NR2F6: variants seen among roughly 807,000 people sequenced by gnomAD.
The protein encoded by NR2F6 is ERBA-related gene-2.
In NR2F6, 16 loss-of-function variants were observed where a neutral mutation model predicts 26.5. That is an observed-to-expected ratio of 0.60 (90% confidence interval 0.41 to 0.92). The LOEUF (loss-of-function observed/expected upper bound fraction) is 0.92, where lower values mean the gene tolerates loss of function less well. Ranked by LOEUF, NR2F6 falls within the 40% of genes least tolerant of loss-of-function variation. The pLI is 0.00. For synonymous variants in NR2F6, 325 were observed against 305.0 expected (o/e 1.07, Z -0.68); for missense variants, 536 against 631.7 (o/e 0.85, Z 1.62).
In NR2F6 at chr19:17,235,431, C is replaced by T; in HGVS notation, c.940+68G>A. On this transcript the variant is annotated intron_variant, in intron 3 of 3. Coordinates refer to ENST00000291442, the MANE Select transcript of NR2F6 (RefSeq NM_005234.4). This position sits in a 1 kb window ranked among gnomAD's most constrained non-coding sequence, Gnocchi z 5.0. ...CGCTATGGGGGCCGGAGTCTGGGTC[C>T]AGGCCGCCCTCCTCCTAACCTCCCT... is the stretch of plus-strand genomic sequence containing the variant. 1 of 1,522,950 alleles carries T rather than the reference C, an allele frequency of 6.6e-7. No individual in the cohort carries two copies. Among genetic ancestry groups the T allele is most frequent in the Non-Finnish European group, 8.8e-7 (1 of 1,141,252 alleles). 94.3% of individuals were successfully genotyped at this position (1,522,950 alleles called of 1,614,324 possible).
intron 2 of NR2F6, among the ~76,000 whole-genome samples, chr19:17,238,323 T>C (rs912717928): frequency 6.6e-6 from 1 of 152,024 alleles, no homozygotes; most frequent in Non-Finnish European, 1.5e-5. Flanking sequence ...GAATGGACAT[T>C]CTGGGTGTAA....
intron 1 of NR2F6, among the ~76,000 whole-genome samples, chr19:17,243,289 G>A (rs1210999314): frequency 6.6e-6 from 1 of 152,166 alleles, no homozygotes; most frequent in Non-Finnish European, 1.5e-5. Flanking sequence ...CCAGACTGGG[G>A]GCTTCTCAGG....
Position 17,232,155 on chromosome 19 carries a change from TG to T in NR2F6, c.*196del. 1.3e-6 allele frequency: 1 copy of T among 778,620 alleles called. No individual in the cohort carries two copies. Among genetic ancestry groups the T allele is most frequent in the Non-Finnish European group, 2.0e-6 (1 of 504,662 alleles). The allele number at this position is 778,620 out of a possible 1,614,324, so 48.2% of individuals were successfully genotyped here. On this transcript the variant is annotated 3_prime_UTR_variant, in exon 4 of 4. Transcript: ENST00000291442. ...TCCTGGGGAGGATGAGGCTGAGGCCTGGATGATCAGTCTCTTTTTGGTTTCA... is the reference window on the plus strand; with the variant it reads ...TCCTGGGGAGGATGAGGCTGAGGCCTGATGATCAGTCTCTTTTTGGTTTCA...
In NR2F6 at chr19:17,235,665, C is replaced by T. The variant is rs1262966903; in HGVS notation, c.774G>A (p.Pro258=). 4.0e-6 allele frequency: 6 copies of T among 1,518,226 alleles called. No individual in the cohort carries two copies. In the Admixed American group the frequency reaches 1.2e-4, roughly 31 times the overall value. The allele number at this position is 1,518,226 out of a possible 1,614,324, so 94.0% of individuals were successfully genotyped here. A position where few individuals can be genotyped will look rare whatever the true frequency, so the allele number is the denominator to read the frequency against. The part of the protein sequence containing the change: ...AQAALPLHTA[P]LLAAAGLHAA... ...CGTGGAGGCCGGCGGCGGCCAGTAGCGGCGCCGTGTGCAGGGGCAGCGCCG... is the reference window on the plus strand; with the variant it reads ...CGTGGAGGCCGGCGGCGGCCAGTAGTGGCGCCGTGTGCAGGGGCAGCGCCG... Residue 258 remains proline (P), a synonymous_variant, in exon 3 of 4, where the codon CCG becomes CCA. Transcript: ENST00000291442. The surrounding 1 kb of genome is among the most constrained non-coding windows in gnomAD (Gnocchi z 5.0).
chr19:17,245,438 G>A lies in NR2F6; in HGVS notation c.-218C>T, dbSNP rs905937123. The A allele has an allele frequency of 1.1e-4, 31 of 281,222 alleles. No homozygotes were observed. The highest frequency in any genetic ancestry group is 6.3e-4 in the African/African-American group (28 of 44,398). The allele number at this position is 281,222 out of a possible 1,614,324, so 17.4% of individuals were successfully genotyped here. The stretch of plus-strand genomic sequence containing the variant: ...TCCAGGCCAACTTTCCCACGCGTGC[G>A]CGGGGCCGGGCCCGGGGCCGGGAGG... On this transcript the variant is annotated 5_prime_UTR_variant, in exon 1 of 4. Coordinates refer to ENST00000291442, the MANE Select transcript of NR2F6 (RefSeq NM_005234.4). The surrounding 1 kb of genome is among the most constrained non-coding windows in gnomAD (Gnocchi z 5.0).
chr19:17,232,732 G>T, intron 3 of NR2F6, 106 bp from the exon 4 acceptor site: 1 of 1,353,238 alleles, frequency 7.4e-7, no homozygotes, highest in Middle Eastern at 2.3e-4. Flanking sequence ...AGAACAGGGG[G>T]CCGGGCATGA....
Position 17,235,604 on chromosome 19 carries a change from T to C in NR2F6, c.835A>G (p.Met279Val), listed in dbSNP as rs1381979453. The C allele has an allele frequency of 1.3e-6, 2 of 1,574,988 alleles. No individual in the cohort carries two copies. Among genetic ancestry groups the C allele is most frequent in the Admixed American group, 1.8e-5 (1 of 57,078 alleles). ...TCCTGGAAGGCGCGCACCTGGTCCA[T>C]GAAAGCCACGGCGCGCTCGGCGGCC... The part of the protein sequence containing the change: ...PMAAERAVAF[M>V]DQVRAFQEQV... Residue 279 changes from methionine (M) to valine (V), a missense_variant, in exon 3 of 4, where the codon ATG becomes GTG. Coordinates refer to ENST00000291442, the MANE Select transcript of NR2F6 (RefSeq NM_005234.4). The surrounding 1 kb of genome is among the most constrained non-coding windows in gnomAD (Gnocchi z 5.0).
At position 17,245,077 on chromosome 19, in the gene NR2F6, C is replaced by T. The variant is rs1272082828; in HGVS notation, c.144G>A (p.Glu48=). 1.9e-6 allele frequency: 3 copies of T among 1,591,904 alleles called. No homozygotes were observed. The highest frequency in any genetic ancestry group is 4.7e-5 in the East Asian group (2 of 42,728). The change falls in exon 1 of 4, where the codon GAG becomes GAA. Residue 48 remains glutamate (E), a synonymous_variant. Transcript: ENST00000291442. This position sits in a 1 kb window ranked among gnomAD's most constrained non-coding sequence, Gnocchi z 5.0. ...AASDAEPGDE[E]RPGLQVDCVV... ...CGCAGTCCACCTGCAGCCCCGGCCG[C>T]TCCTCGTCGCCCGGCTCGGCGTCGC... is the stretch of plus-strand genomic sequence containing the variant.
intron 3 of NR2F6, among the ~76,000 whole-genome samples, chr19:17,234,189 C>G (rs1175189540): frequency 1.3e-5 from 2 of 150,396 alleles, no homozygotes; most frequent in Non-Finnish European, 3.0e-5. Flanking sequence ...TGCTACTGCA[C>G]TCCAGCCTGG....
chr19:17,242,182 G>A (rs2073473373), intron 1 of NR2F6, among the ~76,000 whole-genome samples: 1 of 152,132 alleles, frequency 6.6e-6, no homozygotes, highest in Non-Finnish European at 1.5e-5. Context: ...GCCGGGCATG[G>A]TGGCGCATGC....
At position 17,245,214 on chromosome 19, in the gene NR2F6, T is replaced by C. The variant is rs1256154261; in HGVS notation, c.7A>G (p.Met3Val). The change falls in exon 1 of 4, where the codon ATG (methionine) becomes GTG (valine). Residue 3 changes from methionine to valine, a missense_variant. Met to Val is a conservative substitution (Grantham distance 21). Coordinates refer to ENST00000291442, the MANE Select transcript of NR2F6 (RefSeq NM_005234.4). The surrounding 1 kb of genome is among the most constrained non-coding windows in gnomAD (Gnocchi z 5.0). ...GGGCCGCCCCAGCCGCCGGTCACCA[T>C]GGCCATAGCCCCAGGGCAGCGGGGC... MA[M>V]VTGGWGGPGG... is the part of the protein sequence containing the mutation. 2.2e-6 allele frequency: 3 copies of C among 1,363,148 alleles called. No individual in the cohort carries two copies. Among genetic ancestry groups the C allele is most frequent in the Non-Finnish European group, 2.8e-6 (3 of 1,057,434 alleles). The allele number at this position is 1,363,148 out of a possible 1,614,324, so 84.4% of individuals were successfully genotyped here. A position where few individuals can be genotyped will look rare whatever the true frequency, so the allele number is the denominator to read the frequency against.
In NR2F6 at chr19:17,240,619, C is replaced by G; in HGVS notation, c.373+52G>C. ...GGGGAGGAAGAAGCTGTTTGTTCAC[C>G]CCGGCTCCAGCGGCTGTGATCGTCC... On this transcript the variant is annotated intron_variant, in intron 2 of 3. Coordinates refer to ENST00000291442, the MANE Select transcript of NR2F6 (RefSeq NM_005234.4). The G allele has an allele frequency of 1.9e-6, 3 of 1,580,394 alleles. No homozygotes were observed. In the African/African-American group the frequency reaches 4.0e-5, roughly 21 times the overall value.
chr19:17,232,511 G>C lies in NR2F6; in HGVS notation c.1056C>G (p.Arg352=). 6.2e-7 allele frequency: 1 copy of C among 1,611,048 alleles called. No homozygotes were observed. Among genetic ancestry groups the C allele is most frequent in the East Asian group, 2.2e-5 (1 of 44,776 alleles). The part of the protein sequence containing the change: ...QYPSQPQRFG[R]LLLRLPALRA... ...GCAGGGCGGGGAGCCGCAGCAGCAG[G>C]CGCCCGAAGCGCTGGGGCTGGGACG... The change falls in exon 4 of 4, where the codon CGC becomes CGG. Residue 352 remains arginine, a synonymous_variant. Transcript: ENST00000291442.
chr19:17,243,797 C>T (rs1406567072), intron 1 of NR2F6, among the ~76,000 whole-genome samples: 4 of 152,150 alleles, frequency 2.6e-5, no homozygotes, highest in South Asian at 2.1e-4. Context: ...CCGAACTCAG[C>T]GGTCCCCACC....
At chr19:17,242,524 C>T (rs2073475062) in intron 1 of NR2F6, among the ~76,000 whole-genome samples, 1 of 152,196 alleles carries the variant, frequency 6.6e-6, no homozygotes, top group Non-Finnish European at 1.5e-5. Context: ...GAGAACCCAA[C>T]TTAGGAAAGC....
rs200913678 is a variant in NR2F6, at chr19:17,244,966, G to A, written c.255C>T (p.Arg85=). The change falls in exon 1 of 4, where the codon CGC becomes CGT. Residue 85 remains arginine, a synonymous_variant. Coordinates refer to ENST00000291442, the MANE Select transcript of NR2F6 (RefSeq NM_005234.4). ...GCKSFFKRSI[R]RNLSYTCRSN... is the part of the protein sequence containing the mutation. ...ACCGGCAGGTGTAGCTGAGGTTGCGGCGGATGCTTCGCTTGAAAAAGCTCT... is the reference window on the plus strand; with the variant it reads ...ACCGGCAGGTGTAGCTGAGGTTGCGACGGATGCTTCGCTTGAAAAAGCTCT... 587 of 1,567,168 alleles carry A rather than the reference G, an allele frequency of 3.7e-4. 3 individuals are homozygous for A. In the African/African-American group the frequency reaches 7.2e-3, roughly 19 times the overall value.
intron 2 of NR2F6, among the ~76,000 whole-genome samples, chr19:17,238,791 AG>A (rs2073453070): frequency 6.6e-6 from 1 of 152,170 alleles, no homozygotes; most frequent in African/African-American, 2.4e-5. Flanking sequence ...CTTTACGCCA[AG>A]TATGGTGGCT....
chr19:17,236,731 G>T (rs2073440690), intron 2 of NR2F6, among the ~76,000 whole-genome samples: 1 of 152,200 alleles, frequency 6.6e-6, no homozygotes, highest in Admixed American at 6.5e-5. Flanking sequence ...CTGAGGGCCG[G>T]TCTGGGTCCC....
chr19:17,236,891 C>A (rs1181875218), intron 2 of NR2F6, among the ~76,000 whole-genome samples: 1 of 152,236 alleles, frequency 6.6e-6, no homozygotes, highest in Admixed American at 6.5e-5. Flanking sequence ...TTGGGCACGT[C>A]TGCAGTGACC....
Sources: allele counts gnomAD v4.1 joint callset (sites outside exome capture counted in the v4.1 genomes callset), GRCh38; gene constraint gnomAD v4.1.1; non-coding constraint Gnocchi (gnomAD v3.1); transcripts MANE v1.5; gene names NCBI Gene and HGNC (gene_info 2026-07-23, HGNC 2026-07-21).